Variants in HFE observed in about 807,000 individuals in gnomAD.
HFE encodes hereditary hemochromatosis protein.
HFE carries 36 observed loss-of-function variants against 40.9 expected under a neutral mutation model. The observed-to-expected ratio is 0.88, with a 90% confidence interval of 0.67 to 1.16. The LOEUF (loss-of-function observed/expected upper bound fraction) is 1.16. HFE is among the 50% of genes most tolerant of loss of function. The pLI, the probability that HFE is intolerant of heterozygous loss-of-function variation, is 0.00. For synonymous variants in HFE, 157 were observed against 165.4 expected, an observed-to-expected ratio of 0.95 and a Z score of 0.39; for missense variants, 376 against 432.0, an observed-to-expected ratio of 0.87 and a Z score of 1.15.
intron 4 of HFE, 47 bp downstream of exon 4, chr6:26,093,007 T>G: frequency 6.2e-7 from 1 of 1,613,900 alleles, no homozygotes. Context: ...TATTGGGGGT[T>G]GAGAGGAGTG....
At chr6:26,091,625 G>A in intron 3 of HFE, 36 bp downstream of exon 3, 2 of 1,608,354 alleles carry the variant, frequency 1.2e-6, no homozygotes, top group Non-Finnish European at 1.7e-6. Context: ...CTATACTCTA[G>A]TGGCAGAGTG....
chr6:26,093,025 A>G, intron 4 of HFE, 65 bp downstream of exon 4: 2 of 1,613,914 alleles, frequency 1.2e-6, no homozygotes, highest in South Asian at 1.1e-5. Flanking sequence ...GTGCCTGAGG[A>G]GGTAATTATG....
chr6:26,091,417 C>T lies in HFE; in HGVS notation c.444C>T (p.Phe148=). Residue 148 remains phenylalanine, a synonymous_variant, in exon 3 of 6, where the codon TTC becomes TTT. Transcript: ENST00000357618. ...ATGATGGGCAGGACCACCTTGAATT[C>T]TGCCCTGACACACTGGATTGGAGAG... ...YGYDGQDHLE[F]CPDTLDWRAA... is the part of the protein sequence containing the mutation. The T allele has an allele frequency of 6.2e-7, 1 of 1,614,198 alleles. No homozygotes were observed. The highest frequency in any genetic ancestry group is 8.5e-7 in the Non-Finnish European group (1 of 1,180,034).
chr6:26,089,102 T>G (rs1762481861), intron 1 of HFE, among the ~76,000 whole-genome samples: 1 of 34,508 alleles, frequency 2.9e-5, no homozygotes, highest in Non-Finnish European at 4.6e-5. Context: ...CTCATGTGTG[T>G]GTGTGTGGGG....
Position 26,089,125 on chromosome 6 carries a change from G to A in HFE, c.76+1609G>A, listed in dbSNP as rs1463614096. On this transcript the variant is annotated intron_variant, in intron 1 of 5. Transcript: ENST00000357618. ...TGTGTGTGTGGGGGGGGGGGGCGGCGTGGGGGTGGGAAGGGGGACTACCAT... is the reference window on the plus strand; with the variant it reads ...TGTGTGTGTGGGGGGGGGGGGCGGCATGGGGGTGGGAAGGGGGACTACCAT... Among the ~76,000 whole-genome samples, 31 of 118,556 alleles carry A rather than the reference G, an allele frequency of 2.6e-4. 1 individual carries two copies. Among genetic ancestry groups the A allele is most frequent in the African/African-American group, 1.0e-3 (30 of 29,970 alleles). 77.8% of individuals were successfully genotyped at this position (118,556 alleles called of 152,430 possible).
chr6:26,092,856 C>G lies in HFE; in HGVS notation c.788C>G (p.Thr263Ser). 2 of 1,614,194 alleles carry G rather than the reference C, an allele frequency of 1.2e-6. No homozygotes were observed. Among genetic ancestry groups the G allele is most frequent in the Non-Finnish European group, 1.7e-6 (2 of 1,180,046 alleles). Residue 263 changes from threonine (T) to serine (S), a missense_variant, in exon 4 of 6, where the codon ACC (threonine) becomes AGC (serine). Physicochemically the swap from Thr to Ser is moderately conservative, Grantham distance 58. This residue lies in a region of HFE where 173 missense variants were observed against 186.9 expected (regional missense o/e 0.93). Coordinates refer to ENST00000357618, the MANE Select transcript of HFE (RefSeq NM_000410.4). Reference sequence around the variant, plus strand: ...GACGTATTGCCCAATGGGGATGGGACCTACCAGGGCTGGATAACCTTGGCT... The same window carrying G: ...GACGTATTGCCCAATGGGGATGGGAGCTACCAGGGCTGGATAACCTTGGCT... ...PKDVLPNGDG[T>S]YQGWITLAVP...
chr6:26,089,108 T>A (rs807207), intron 1 of HFE, among the ~76,000 whole-genome samples: 2 of 56,358 alleles, frequency 3.5e-5, no homozygotes, highest in African/African-American at 1.6e-4. Context: ...TGTGTGTGTG[T>A]GGGGGGGGGG....
rs1377233146 is a variant in HFE at position 26,095,872 on chromosome 6, G to A, written c.*1646G>A. 7 of 152,354 alleles carry A rather than the reference G, an allele frequency of 4.6e-5. No homozygotes were observed. The highest frequency in any genetic ancestry group is 3.3e-4 in the Admixed American group (5 of 15,276). 9.4% of individuals were successfully genotyped at this position (152,354 alleles called of 1,614,324 possible). ...GGACCCTACGCAAGGACTGTAATTG[G>A]TGGGGACAGCTAGTGGCCCTGCTGG... On this transcript the variant is annotated 3_prime_UTR_variant, in exon 6 of 6. Coordinates refer to ENST00000357618, the MANE Select transcript of HFE (RefSeq NM_000410.4).
intron 5 of HFE, among the ~76,000 whole-genome samples, chr6:26,093,819 T>C (rs919199544): frequency 2.0e-5 from 3 of 152,092 alleles, no homozygotes; most frequent in African/African-American, 7.2e-5. Flanking sequence ...TCACCAATTA[T>C]GCATTTCTAC....
chr6:26,094,164 C>T (rs1479924399), intron 5 of HFE, 22 bp from the exon 6 acceptor site: 1 of 1,613,356 alleles, frequency 6.2e-7, no homozygotes, highest in Non-Finnish European at 8.5e-7. Flanking sequence ...ATGCCTCTTT[C>T]CTGGGTCTCT....
At chr6:26,089,108 T>TGGGGGGGGGGGG (rs60292295) in intron 1 of HFE, among the ~76,000 whole-genome samples, 2 of 56,358 alleles carry the variant, frequency 3.5e-5, no homozygotes, top group South Asian at 7.5e-4. Flanking sequence ...TGTGTGTGTG[T>TGGGGGGGGGGGG]GGGGGGGGGG....
chr6:26,093,620 A>T (rs1358947479), intron 5 of HFE, among the ~76,000 whole-genome samples: 2 of 152,102 alleles, frequency 1.3e-5, no homozygotes. Context: ...GGAAAGAATG[A>T]TCACATTCAG....
At chr6:26,094,144 T>G (rs775072886) in intron 5 of HFE, 42 bp from the exon 6 acceptor site, 3 of 1,600,880 alleles carry the variant, frequency 1.9e-6, no homozygotes, top group Non-Finnish European at 2.6e-6. Context: ...AGATGGTGCC[T>G]AGGTTTGTGA....
intron 1 of HFE, among the ~76,000 whole-genome samples, chr6:26,090,462 A>C (rs1020521209): frequency 2.0e-5 from 3 of 150,726 alleles, no homozygotes; most frequent in South Asian, 2.1e-4. Flanking sequence ...AAAAAAAAAA[A>C]AAAAAAAAAC....
At chr6:26,094,156 G>A (rs770941122) in intron 5 of HFE, 30 bp from the exon 6 acceptor site, 1 of 1,612,162 alleles carries the variant, frequency 6.2e-7, no homozygotes, top group Non-Finnish European at 8.5e-7. Flanking sequence ...GGTTTGTGAT[G>A]CCTCTTTCCT....
In HFE at chr6:26,092,831, G is replaced by A. The variant is rs758325605; in HGVS notation, c.763G>A (p.Asp255Asn). ...PMDAKEFEPKDVLPNGDGTYQ... is the reference protein window; with the variant it reads ...PMDAKEFEPKNVLPNGDGTYQ... ...GGATGCCAAGGAGTTCGAACCTAAA[G>A]ACGTATTGCCCAATGGGGATGGGAC... Residue 255 changes from aspartate (D) to asparagine (N), a missense_variant, in exon 4 of 6, where the codon GAC becomes AAC. This residue lies in a region of HFE where 173 missense variants were observed against 186.9 expected (regional missense o/e 0.93). Coordinates refer to ENST00000357618, the MANE Select transcript of HFE (RefSeq NM_000410.4). 1 of 1,614,226 alleles carries A rather than the reference G, an allele frequency of 6.2e-7. No individual in the cohort carries two copies. Among genetic ancestry groups the A allele is most frequent in the Non-Finnish European group, 8.5e-7 (1 of 1,180,050 alleles).
Position 26,092,679 on chromosome 6 carries a change from G to A in HFE, c.617-6G>A. 1 of 1,614,104 alleles carries A rather than the reference G, an allele frequency of 6.2e-7. No individual in the cohort carries two copies. On this transcript the variant is annotated splice_polypyrimidine_tract_variant and splice_region_variant and intron_variant, in intron 3 of 5. Transcript: ENST00000357618. ...CCTCTCCTCATCCTTCCTCTTTCCT[G>A]TCAAGTGCCTCCTTTGGTGAAGGTG... is the stretch of plus-strand genomic sequence containing the variant.
chr6:26,094,147 G>T, intron 5 of HFE, 39 bp from the exon 6 acceptor site: 1 of 1,607,270 alleles, frequency 6.2e-7, no homozygotes, highest in African/African-American at 1.3e-5. Context: ...TGGTGCCTAG[G>T]TTTGTGATGC....
Position 26,093,093 on chromosome 6 carries a change from GCTTTAA to G in HFE, c.893-22_893-17del. 6.2e-7 allele frequency: 1 copy of G among 1,613,406 alleles called. No individual in the cohort carries two copies. Among genetic ancestry groups the G allele is most frequent in the Non-Finnish European group, 8.5e-7 (1 of 1,179,354 alleles). ...GGTGGGCTGAGGGTGGCAATCAAAG[GCTTTAA>G]CTTGCTTTTTCTGTTTTAGAGCCCT... On this transcript the variant is annotated intron_variant, in intron 4 of 5. Coordinates refer to ENST00000357618, the MANE Select transcript of HFE (RefSeq NM_000410.4).
Sources: gnomAD v4.1 joint callset for allele counts (sites outside exome capture counted in the v4.1 genomes callset) on GRCh38, gnomAD v4.1.1 for gene constraint, gnomAD v4.1.1 regional missense constraint, MANE v1.5 for transcripts, NCBI Gene and HGNC (gene_info 2026-07-23, HGNC 2026-07-21) for gene names.